ATN1: variants seen among roughly 807,000 people sequenced by gnomAD.
The protein encoded by ATN1 is atrophin 1, also known as atrophin-1.
A neutral mutation model predicts 85.8 loss-of-function variants in ATN1; 19 were observed. The ratio of observed to expected loss-of-function variants is 0.22; its 90% confidence interval spans 0.15 to 0.32. ATN1 has a LOEUF of 0.32. Among genes scored for constraint, ATN1 ranks in the 10% least tolerant of loss-of-function variants. The probability of loss-of-function intolerance (pLI) is 1.00; values close to 1 mark genes in which losing one functional copy is unlikely to be tolerated. For missense variants in ATN1, 1,453 were observed against 1,564.5 expected, an observed-to-expected ratio of 0.93 and a Z score of 1.20; for synonymous variants, 674 against 657.0, an observed-to-expected ratio of 1.03 and a Z score of -0.39.
In ATN1 at chr12:6,938,083, C is replaced by T. The variant is rs782225254; in HGVS notation, c.2517+16C>T. On this transcript the variant is annotated intron_variant, in intron 6 of 9. Coordinates refer to ENST00000396684, the MANE Select transcript of ATN1 (RefSeq NM_001940.4). ...ACGCAGCGTGGTGAGTGCGTCACTG[C>T]CTGCGCCACCGCCTTCTTTCCCTCT... 3 of 1,533,320 alleles carry T rather than the reference C, an allele frequency of 2.0e-6. No homozygotes were observed. Among genetic ancestry groups the T allele is most frequent in the Admixed American group, 2.0e-5 (1 of 48,910 alleles). The allele number at this position is 1,533,320 out of a possible 1,614,324, so 95.0% of individuals were successfully genotyped here. A position where few individuals can be genotyped will look rare whatever the true frequency, so the allele number is the denominator to read the frequency against.
chr12:6,937,606 C>T lies in ATN1; in HGVS notation c.2294+45C>T. The T allele has an allele frequency of 2.1e-6, 3 of 1,456,026 alleles. No homozygotes were observed. The highest frequency in any genetic ancestry group is 2.8e-5 in the Admixed American group (1 of 36,144). The allele number at this position is 1,456,026 out of a possible 1,614,324, so 90.2% of individuals were successfully genotyped here. On this transcript the variant is annotated intron_variant, in intron 5 of 9. Transcript: ENST00000396684. The surrounding 1 kb of genome is among the most constrained non-coding windows in gnomAD (Gnocchi z 6.0). ...GGAGGTGGGCCTGGAAAGGGGACGA[C>T]GACAAGGCGGCGACGAGAGAGGGAG...
upstream of ATN1, among the ~76,000 whole-genome samples, chr12:6,927,829 C>G (rs1330119725): frequency 6.6e-6 from 1 of 151,298 alleles, no homozygotes. Context: ...CCGGACGCAC[C>G]GCCCAGCCCG....
chr12:6,937,707 A>G lies in ATN1; in HGVS notation c.2295-138A>G, dbSNP rs981177103. ...TCTCCTCCGTCCAGGCCTAGTGGCC[A>G]GTGAGGCCCGCAGCAGCTCACAGCC... On this transcript the variant is annotated intron_variant, in intron 5 of 9. Transcript: ENST00000396684. This position sits in a 1 kb window ranked among gnomAD's most constrained non-coding sequence, Gnocchi z 6.0. The G allele has an allele frequency of 2.4e-5, 34 of 1,441,026 alleles. No individual in the cohort carries two copies. Among genetic ancestry groups the G allele is most frequent in the Middle Eastern group, 2.1e-4 (1 of 4,708 alleles). The allele number at this position is 1,441,026 out of a possible 1,614,324, so 89.3% of individuals were successfully genotyped here. A position where few individuals can be genotyped will look rare whatever the true frequency, so the allele number is the denominator to read the frequency against.
chr12:6,928,172 T>C lies in ATN1; in HGVS notation c.-375T>C, dbSNP rs868910616. The C allele has an allele frequency of 9.1e-6, 1 of 109,306 alleles. No individual in the cohort carries two copies. Among genetic ancestry groups the C allele is most frequent in the Non-Finnish European group, 1.9e-5 (1 of 53,898 alleles). 6.8% of individuals were successfully genotyped at this position (109,306 alleles called of 1,614,324 possible). On this transcript the variant is annotated 5_prime_UTR_variant, in exon 1 of 10. Transcript: ENST00000396684. The stretch of plus-strand genomic sequence containing the variant: ...GAGCAGAGCGGGGATCGGGGTTTGC[T>C]CCGGGGGCCGGCGGGCGATTGGGGC...
In ATN1 at chr12:6,937,724, C is replaced by A; in HGVS notation, c.2295-121C>A. ...TAGTGGCCAGTGAGGCCCGCAGCAGCTCACAGCCTGCAGGGGTGGTTTTGA... is the reference window on the plus strand; with the variant it reads ...TAGTGGCCAGTGAGGCCCGCAGCAGATCACAGCCTGCAGGGGTGGTTTTGA... On this transcript the variant is annotated intron_variant, in intron 5 of 9. Transcript: ENST00000396684. The surrounding 1 kb of genome is among the most constrained non-coding windows in gnomAD (Gnocchi z 6.0). The A allele has an allele frequency of 6.9e-7, 1 of 1,449,102 alleles. No homozygotes were observed. The highest frequency in any genetic ancestry group is 1.5e-5 in the South Asian group (1 of 68,482). The allele number at this position is 1,449,102 out of a possible 1,614,324, so 89.8% of individuals were successfully genotyped here.
In ATN1 at chr12:6,937,022, T is replaced by C. The variant is rs1945550722; in HGVS notation, c.1755T>C (p.Cys585=). Reference sequence around the variant, plus strand: ...CCACTTCTCAAGGGTCCTACCCATGTTCACACCCCTCCCCTTCCCAGGGCC... The same window carrying C: ...CCACTTCTCAAGGGTCCTACCCATGCTCACACCCCTCCCCTTCCCAGGGCC... ...SSSTSQGSYP[C]SHPSPSQGPQ... Residue 585 remains cysteine, a synonymous_variant, in exon 5 of 10, where the codon TGT becomes TGC. Coordinates refer to ENST00000396684, the MANE Select transcript of ATN1 (RefSeq NM_001940.4). This position sits in a 1 kb window ranked among gnomAD's most constrained non-coding sequence, Gnocchi z 6.0. 1 of 1,613,738 alleles carries C rather than the reference T, an allele frequency of 6.2e-7. No homozygotes were observed. Among genetic ancestry groups the C allele is most frequent in the African/African-American group, 1.3e-5 (1 of 74,890 alleles).
chr12:6,935,929 C>T lies in ATN1; in HGVS notation c.662C>T (p.Pro221Leu). The T allele has an allele frequency of 6.2e-7, 1 of 1,600,274 alleles. No homozygotes were observed. The change falls in exon 5 of 10, where the codon CCT becomes CTT. Residue 221 changes from proline (P) to leucine (L), a missense_variant. Around this residue, in one of 6 missense-constraint regions of ATN1, gnomAD observed 990 missense variants for 914.8 expected, o/e 1.08. Coordinates refer to ENST00000396684, the MANE Select transcript of ATN1 (RefSeq NM_001940.4). This position sits in a 1 kb window ranked among gnomAD's most constrained non-coding sequence, Gnocchi z 5.3. Reference sequence around the variant, plus strand: ...CCTCCCCCTCACCCACAGCTCTATCCTGGGGGCACTGGTGGAGTTTTGTCT... The same window carrying T: ...CCTCCCCCTCACCCACAGCTCTATCTTGGGGGCACTGGTGGAGTTTTGTCT... ...GAPPPHPQLY[P>L]GGTGGVLSGP...
chr12:6,933,822 A>G lies in ATN1; in HGVS notation c.-162-18A>G, dbSNP rs1945495896. ...TCTGTTCTCCAAGTTGGAGACTCTG[A>G]TGGTTTCCTTCTAACAGGTTTCATT... On this transcript the variant is annotated intron_variant, in intron 1 of 9. Transcript: ENST00000396684. 1 of 680,340 alleles carries G rather than the reference A, an allele frequency of 1.5e-6. No individual in the cohort carries two copies. The highest frequency in any genetic ancestry group is 2.5e-6 in the Non-Finnish European group (1 of 392,996). The allele number at this position is 680,340 out of a possible 1,614,324, so 42.1% of individuals were successfully genotyped here. A position where few individuals can be genotyped will look rare whatever the true frequency, so the allele number is the denominator to read the frequency against.
chr12:6,938,956 T>G lies in ATN1; in HGVS notation c.2993T>G (p.Leu998Arg). ...CCCTTTCATCCGAGCCTGGGGCCCC[T>G]GGAGCGAGAACGTCTAGCGCTGGCA... Reference protein sequence around the residue: ...PFPFHPSLGPLERERLALAAG... With the variant: ...PFPFHPSLGPRERERLALAAG... The change falls in exon 7 of 10, where the codon CTG becomes CGG. Residue 998 changes from leucine (L) to arginine (R), a missense_variant. Physicochemically the swap from Leu to Arg is moderately radical, Grantham distance 102 (BLOSUM62 -2). Transcript: ENST00000396684. 6.2e-7 allele frequency: 1 copy of G among 1,613,800 alleles called. No individual in the cohort carries two copies. Among genetic ancestry groups the G allele is most frequent in the Non-Finnish European group, 8.5e-7 (1 of 1,179,978 alleles).
intron 1 of ATN1, among the ~76,000 whole-genome samples, chr12:6,929,785 C>A (rs1343166099): frequency 9.2e-5 from 14 of 152,240 alleles, no homozygotes; most frequent in Admixed American, 9.2e-4. Flanking sequence ...GTTCAGGTTA[C>A]ACCATCTTTT....
intron 1 of ATN1, 111 bp from the exon 2 acceptor site, chr12:6,933,729 G>C: frequency 1.8e-6 from 1 of 553,994 alleles, no homozygotes; most frequent in Non-Finnish European, 3.2e-6. Context: ...TGTACCTCTT[G>C]GCCCAAAGGC....
In ATN1 at chr12:6,936,420, GCCT is replaced by G. The variant is rs782735212; in HGVS notation, c.1158_1160del (p.Ser395del). On this transcript the variant is annotated inframe_deletion, in exon 5 of 10. Transcript: ENST00000396684. ...ATCCTCTAGTAGTAGCTCTGCAGCA[GCCT>G]CCTCTTCCAGTTCTTCCTCCTCTTC... 17 of 1,612,970 alleles carry G rather than the reference GCCT, an allele frequency of 1.1e-5. No homozygotes were observed. The highest frequency in any genetic ancestry group is 1.0e-4 in the Admixed American group (6 of 59,972).
At position 6,934,997 on chromosome 12, in the gene ATN1, T is replaced by G. The variant is rs1945513404; in HGVS notation, c.279+419T>G. Among the ~76,000 whole-genome samples, 1 of 152,148 alleles carries G rather than the reference T, an allele frequency of 6.6e-6. No homozygotes were observed. The highest frequency in any genetic ancestry group is 1.5e-5 in the Non-Finnish European group (1 of 68,014). On this transcript the variant is annotated intron_variant, in intron 4 of 9. Transcript: ENST00000396684. This position sits in a 1 kb window ranked among gnomAD's most constrained non-coding sequence, Gnocchi z 4.5. Reference sequence around the variant, plus strand: ...CCTCCGCCTCCTGGGTTCAAACAATTGTGCCTCAGCCTCCCGAGTGGCTGG... The same window carrying G: ...CCTCCGCCTCCTGGGTTCAAACAATGGTGCCTCAGCCTCCCGAGTGGCTGG...
chr12:6,931,329 A>G (rs1432910072), intron 1 of ATN1, among the ~76,000 whole-genome samples: 2 of 102,150 alleles, frequency 2.0e-5, no homozygotes, highest in East Asian at 5.7e-4. Context: ...TGTTCTTCGG[A>G]TTTTTTTTTT....
chr12:6,938,340 C>T, intron 6 of ATN1, 141 bp from the exon 7 acceptor site: 3 of 1,325,794 alleles, frequency 2.3e-6, no homozygotes, highest in South Asian at 1.5e-5. Context: ...GAGCGGGGGC[C>T]GCAGTTAAGT....
Position 6,941,692 on chromosome 12 carries a change from G to A in ATN1, c.3540-55G>A. 6.2e-7 allele frequency: 1 copy of A among 1,602,090 alleles called. No individual in the cohort carries two copies. The highest frequency in any genetic ancestry group is 8.6e-7 in the Non-Finnish European group (1 of 1,169,136). On this transcript the variant is annotated intron_variant, in intron 9 of 9. Coordinates refer to ENST00000396684, the MANE Select transcript of ATN1 (RefSeq NM_001940.4). The surrounding 1 kb of genome is among the most constrained non-coding windows in gnomAD (Gnocchi z 5.9). Reference sequence around the variant, plus strand: ...AACCCCTTCGGTAAGAGGGGGCAAGGTCAGAGTTGGTCTCAAGTCTCTTAC... The same window carrying A: ...AACCCCTTCGGTAAGAGGGGGCAAGATCAGAGTTGGTCTCAAGTCTCTTAC...
rs1292639392 is a variant in ATN1 at position 6,937,556 on chromosome 12, T to TGCCAGGTGAGCG, written c.2294+4_2294+15dup. The TGCCAGGTGAGCG allele has an allele frequency of 6.7e-7, 1 of 1,498,508 alleles. No homozygotes were observed. The highest frequency in any genetic ancestry group is 8.9e-7 in the Non-Finnish European group (1 of 1,124,434). The allele number at this position is 1,498,508 out of a possible 1,614,324, so 92.8% of individuals were successfully genotyped here. A position where few individuals can be genotyped will look rare whatever the true frequency, so the allele number is the denominator to read the frequency against. The stretch of plus-strand genomic sequence containing the variant: ...ATGTACCCAGCCATGCCAGTCAGTC[T>TGCCAGGTGAGCG]GCCAGGTGAGCGGCCAGGTGGGGCG... On this transcript the variant is annotated stop_gained and inframe_insertion, in exon 5 of 10. Transcript: ENST00000396684. LOFTEE classifies it high-confidence loss of function. This position sits in a 1 kb window ranked among gnomAD's most constrained non-coding sequence, Gnocchi z 6.0.
At chr12:6,924,739 T>TTCTCCTG (rs112444751), upstream of ATN1, among the ~76,000 whole-genome samples, 6,493 of 152,200 alleles carry the variant, frequency 0.043, 434 homozygotes, top group African/African-American at 0.14. Flanking sequence ...TCTTTCCCTT[T>TTCTCCTG]TCTCCTGGCG....
At chr12:6,930,854 A>T (rs938196386) in intron 1 of ATN1, among the ~76,000 whole-genome samples, 1 of 152,122 alleles carries the variant, frequency 6.6e-6, no homozygotes, top group African/African-American at 2.4e-5. Context: ...ATGAAGGTGA[A>T]TGTGCTTAGT....
Sources: gnomAD v4.1 joint callset for allele counts (sites outside exome capture counted in the v4.1 genomes callset) on GRCh38, gnomAD v4.1.1 for gene constraint, gnomAD v4.1.1 regional missense constraint, Gnocchi (gnomAD v3.1) non-coding constraint, MANE v1.5 for transcripts, NCBI Gene and HGNC (gene_info 2026-07-23, HGNC 2026-07-21) for gene names.